Variants in OVOL2 observed in about 807,000 individuals in gnomAD.
OVOL2 encodes the protein transcription factor Ovo-like 2.
OVOL2 carries 13 observed loss-of-function variants against 18.1 expected under a neutral mutation model. The ratio of observed to expected loss-of-function variants is 0.72; its 90% CI spans 0.47 to 1.14. The LOEUF (loss-of-function observed/expected upper bound fraction) is 1.14. Ranked by LOEUF, OVOL2 falls within the 50% of genes most tolerant of loss-of-function variation. OVOL2 has a pLI of 0.00. For missense variants in OVOL2, 335 were observed against 383.0 expected, an observed-to-expected ratio of 0.87 and a Z score of 1.05; for synonymous variants, 166 against 162.7, an observed-to-expected ratio of 1.02 and a Z score of -0.16.
At chr20:18,028,650 T>C (rs1253291406) in intron 3 of OVOL2, among the ~76,000 whole-genome samples, 1 of 151,906 alleles carries the variant, frequency 6.6e-6, no homozygotes, top group African/African-American at 2.4e-5. Flanking sequence ...AAAATTAGCC[T>C]GGTGTGGTGG....
Position 18,024,673 on chromosome 20 carries a change from T to C in OVOL2, c.791A>G (p.Glu264Gly), listed in dbSNP as rs749653204. The change falls in exon 4 of 4, where the codon GAG (glutamate) becomes GGG (glycine). Residue 264 changes from glutamate to glycine, a missense_variant. Coordinates refer to ENST00000278780, the MANE Select transcript of OVOL2 (RefSeq NM_021220.4). ...LQGKLTSAHQENTSLSEEEER... is the reference protein window; with the variant it reads ...LQGKLTSAHQGNTSLSEEEER... ...CTCCTCCTCACTCAGGCTGGTATTC[T>C]CCTGGTGTGCGGATGTCAGCTTGCC... is the stretch of plus-strand genomic sequence containing the variant. 7.4e-6 allele frequency: 12 copies of C among 1,613,578 alleles called. No homozygotes were observed. In the East Asian group the frequency reaches 2.7e-4, roughly 36 times the overall value.
rs114847447 is a variant in OVOL2 at position 18,040,569 on chromosome 20, G to A, written c.511+965C>T. 2.1e-3 allele frequency among the ~76,000 whole-genome samples: 321 copies of A among 152,326 alleles called. 2 individuals carry two copies. Among genetic ancestry groups the A allele is most frequent in the African/African-American group, 7.3e-3 (302 of 41,576 alleles). ...TCCTGGAGGGATCACTCTGGCAGAG[G>A]TGTGGACAATGGAGCTCAGGCGGGA... On this transcript the variant is annotated intron_variant, in intron 3 of 3. Transcript: ENST00000278780.
Position 18,057,797 on chromosome 20 carries a change from CCCG to C in OVOL2, c.-166_-164del, listed in dbSNP as rs2036845343. 7.3e-7 allele frequency: 1 copy of C among 1,375,276 alleles called. No individual in the cohort carries two copies. The highest frequency in any genetic ancestry group is 1.5e-5 in the African/African-American group (1 of 64,956). 85.2% of individuals were successfully genotyped at this position (1,375,276 alleles called of 1,614,324 possible). On this transcript the variant is annotated 5_prime_UTR_variant, in exon 1 of 4. Transcript: ENST00000278780. The surrounding 1 kb of genome is among the most constrained non-coding windows in gnomAD (Gnocchi z 6.3). ...GCCGCGGCGCGGCCCAGGCCTCTCC[CCCG>C]CACGCCTGGCGACTCCCAGCCTCCC...
intron 3 of OVOL2, among the ~76,000 whole-genome samples, chr20:18,027,108 T>C (rs2036526916): frequency 1.1e-5 from 1 of 93,434 alleles, no homozygotes; most frequent in Non-Finnish European, 2.3e-5. Context: ...AAATCAAAGT[T>C]GAATTTTTTT....
chr20:18,033,874 G>A (rs571668067), intron 3 of OVOL2, among the ~76,000 whole-genome samples: 1 of 152,178 alleles, frequency 6.6e-6, no homozygotes, highest in African/African-American at 2.4e-5. Context: ...ATCCTAGCCT[G>A]TTCAACCTAA....
At chr20:18,040,452 C>T (rs1055641055) in intron 3 of OVOL2, among the ~76,000 whole-genome samples, 3 of 152,066 alleles carry the variant, frequency 2.0e-5, no homozygotes, top group African/African-American at 4.8e-5. Flanking sequence ...GGCCTTTACA[C>T]GAAGCCCATC....
chr20:18,047,853 C>CAAAAAAAA (rs34668253), intron 2 of OVOL2, among the ~76,000 whole-genome samples: 26 of 47,090 alleles, frequency 5.5e-4, no homozygotes, highest in East Asian at 2.5e-3. Flanking sequence ...GACTCCGTCT[C>CAAAAAAAA]AAAAAAAAAA....
Position 18,057,445 on chromosome 20 carries a change from C to T in OVOL2, c.100+90G>A, listed in dbSNP as rs1490107586. ...CGGAAGAGGGGGATGAGGTGGGGAG[C>T]CCGCCCCTGCCGATGAGCAGAGAAG... On this transcript the variant is annotated intron_variant, in intron 1 of 3. Coordinates refer to ENST00000278780, the MANE Select transcript of OVOL2 (RefSeq NM_021220.4). This position sits in a 1 kb window ranked among gnomAD's most constrained non-coding sequence, Gnocchi z 6.3. 6 of 1,430,794 alleles carry T rather than the reference C, an allele frequency of 4.2e-6. No homozygotes were observed. Among genetic ancestry groups the T allele is most frequent in the Admixed American group, 2.1e-5 (1 of 47,912 alleles). 88.6% of individuals were successfully genotyped at this position (1,430,794 alleles called of 1,614,324 possible). A position where few individuals can be genotyped will look rare whatever the true frequency, so the allele number is the denominator to read the frequency against.
In OVOL2 at chr20:18,057,689, G is replaced by A. The variant is rs1400773326; in HGVS notation, c.-55C>T. ...CCTCCTCCCGGCTGCTCCCCGCTAG[G>A]GGCAACGGCGGCGGCTCCGTCCCCG... On this transcript the variant is annotated 5_prime_UTR_variant, in exon 1 of 4. Coordinates refer to ENST00000278780, the MANE Select transcript of OVOL2 (RefSeq NM_021220.4). The surrounding 1 kb of genome is among the most constrained non-coding windows in gnomAD (Gnocchi z 6.3). 4 of 1,499,074 alleles carry A rather than the reference G, an allele frequency of 2.7e-6. No individual in the cohort carries two copies. The African/African-American group carries it at 5.8e-5, about 22-fold the overall frequency. 92.9% of individuals were successfully genotyped at this position (1,499,074 alleles called of 1,614,324 possible). A position where few individuals can be genotyped will look rare whatever the true frequency, so the allele number is the denominator to read the frequency against.
chr20:18,057,566 C>T lies in OVOL2; in HGVS notation c.69G>A (p.Pro23=), dbSNP rs921935567. 2 of 1,594,780 alleles carry T rather than the reference C, an allele frequency of 1.3e-6. No individual in the cohort carries two copies. Among genetic ancestry groups the T allele is most frequent in the Admixed American group, 1.7e-5 (1 of 58,012 alleles). ...GVSVRSWDEL[P]DEKRADTYIP... is the part of the protein sequence containing the mutation. ...TGTAGGTGTCTGCCCTTTTCTCATCCGGGAGCTCATCCCAGCTGCGGACCG... is the reference window on the plus strand; with the variant it reads ...TGTAGGTGTCTGCCCTTTTCTCATCTGGGAGCTCATCCCAGCTGCGGACCG... Residue 23 remains proline (P), a synonymous_variant, in exon 1 of 4, where the codon CCG becomes CCA. Transcript: ENST00000278780. This position sits in a 1 kb window ranked among gnomAD's most constrained non-coding sequence, Gnocchi z 6.3.
chr20:18,055,422 C>T (rs1600454592), intron 2 of OVOL2, among the ~76,000 whole-genome samples: 2 of 152,192 alleles, frequency 1.3e-5, no homozygotes, highest in African/African-American at 2.4e-5. Flanking sequence ...CTTAACCCCA[C>T]CTGGCCCGGA....
At chr20:18,036,763 G>T (rs969471536) in intron 3 of OVOL2, among the ~76,000 whole-genome samples, 14 of 152,130 alleles carry the variant, frequency 9.2e-5, no homozygotes, top group African/African-American at 2.9e-4. Context: ...TAAACCCCAA[G>T]CTGAAGTGTG....
At chr20:18,047,505 T>A (rs2036733562) in intron 2 of OVOL2, among the ~76,000 whole-genome samples, 1 of 145,068 alleles carries the variant, frequency 6.9e-6, no homozygotes, top group African/African-American at 2.6e-5. Context: ...ACTGTAACTC[T>A]GTCTCAAAAT....
At position 18,024,740 on chromosome 20, in the gene OVOL2, A is replaced by C; in HGVS notation, c.724T>G (p.Phe242Val). ...AGTTTTTTAGATGTCTTTTTGAGAA[A>C]CGAGCTGCCCGGATGGGCACTGTTC... The part of the protein sequence containing the change: ...HVNSAHPGSS[F>V]LKKTSKKLAA... The change falls in exon 4 of 4, where the codon TTT (phenylalanine) becomes GTT (valine). Residue 242 changes from phenylalanine (F) to valine (V), a missense_variant. Transcript: ENST00000278780. The C allele has an allele frequency of 6.2e-7, 1 of 1,614,120 alleles. No homozygotes were observed. The highest frequency in any genetic ancestry group is 8.5e-7 in the Non-Finnish European group (1 of 1,180,030).
intron 3 of OVOL2, among the ~76,000 whole-genome samples, chr20:18,041,051 G>A (rs1177068124): frequency 2.0e-5 from 3 of 152,212 alleles, no homozygotes; most frequent in Non-Finnish European, 4.4e-5. Context: ...GGGGTGAAAG[G>A]CAGGCTACCA....
chr20:18,025,487 G>C (rs902177228), intron 3 of OVOL2, among the ~76,000 whole-genome samples: 7 of 152,052 alleles, frequency 4.6e-5, no homozygotes, highest in African/African-American at 1.4e-4. Context: ...GAGAATCACT[G>C]GAACCCAGGA....
At chr20:18,054,838 G>C (rs1438813849) in intron 2 of OVOL2, among the ~76,000 whole-genome samples, 2 of 151,404 alleles carry the variant, frequency 1.3e-5, no homozygotes, top group Admixed American at 6.6e-5. Flanking sequence ...TGTGAGTTCA[G>C]CATGCCTTGG....
intron 2 of OVOL2, among the ~76,000 whole-genome samples, chr20:18,052,515 G>A (rs765228435): frequency 5.3e-5 from 8 of 152,080 alleles, no homozygotes; most frequent in Non-Finnish European, 8.8e-5. Flanking sequence ...GTGTGGCTGG[G>A]CAGGACTGGC....
chr20:18,036,995 G>A (rs1051133665), intron 3 of OVOL2, among the ~76,000 whole-genome samples: 20 of 151,890 alleles, frequency 1.3e-4, no homozygotes, highest in Non-Finnish European at 2.5e-4. Context: ...AATTAGCCAG[G>A]CTTGGTAGCG....
Sources: gnomAD v4.1 joint callset for allele counts (sites outside exome capture counted in the v4.1 genomes callset) on GRCh38, gnomAD v4.1.1 for gene constraint, Gnocchi (gnomAD v3.1) non-coding constraint, MANE v1.5 for transcripts, NCBI Gene and HGNC (gene_info 2026-07-23, HGNC 2026-07-21) for gene names.